AFG1L: variants seen among roughly 807,000 people sequenced by gnomAD.
AFG1L encodes the protein AFG1 like ATPase, also known as AFG1-like ATPase.
AFG1L carries 53 observed loss-of-function variants against 62.2 expected under a neutral mutation model. That is an observed-to-expected ratio of 0.85 (90% CI 0.68 to 1.07). The LOEUF is 1.07. AFG1L is among the 50% of genes least tolerant of loss of function. The pLI is 0.00. For missense variants in AFG1L, 555 were observed against 590.5 expected (o/e 0.94, Z 0.62); for synonymous variants, 228 against 210.3 (o/e 1.08, Z -0.73).
At chr6:108,501,308 A>G (rs1774191253) in intron 10 of AFG1L, among the ~76,000 whole-genome samples, 1 of 152,148 alleles carries the variant, frequency 6.6e-6, no homozygotes, top group African/African-American at 2.4e-5. Flanking sequence ...GAAATTTTTG[A>G]TAGTTACCAT....
At chr6:108,458,343 T>A (rs1772328419) in intron 8 of AFG1L, among the ~76,000 whole-genome samples, 1 of 152,192 alleles carries the variant, frequency 6.6e-6, no homozygotes, top group South Asian at 2.1e-4. Flanking sequence ...TCATTCTTTT[T>A]TTCTTCCTGT....
At chr6:108,360,200 G>T (rs1011281963) in intron 5 of AFG1L, among the ~76,000 whole-genome samples, 1 of 152,162 alleles carries the variant, frequency 6.6e-6, no homozygotes, top group Non-Finnish European at 1.5e-5. Flanking sequence ...CATTTTCCTT[G>T]CTCAAACCCT....
chr6:108,514,946 A>G (rs1199051406), intron 11 of AFG1L, among the ~76,000 whole-genome samples: 7 of 152,242 alleles, frequency 4.6e-5, no homozygotes, highest in Admixed American at 2.0e-4. Context: ...AAGAAGAGCT[A>G]ACTCTTCTAA....
At chr6:108,489,716 C>T (rs1242152026) in intron 10 of AFG1L, among the ~76,000 whole-genome samples, 1 of 152,162 alleles carries the variant, frequency 6.6e-6, no homozygotes, top group Non-Finnish European at 1.5e-5. Context: ...CCTAGGGCTC[C>T]AACGGTTTCA....
chr6:108,328,487 C>T (rs557841065), intron 2 of AFG1L, among the ~76,000 whole-genome samples: 12 of 152,250 alleles, frequency 7.9e-5, no homozygotes, highest in African/African-American at 2.2e-4. Context: ...CTCGACCTCC[C>T]GGGCTCCAGC....
intron 10 of AFG1L, among the ~76,000 whole-genome samples, chr6:108,509,569 C>A (rs749969776): frequency 1.9e-4 from 29 of 152,106 alleles, no homozygotes; most frequent in Non-Finnish European, 3.7e-4. Flanking sequence ...AAAGTGATGT[C>A]ATAGAAATAA....
intron 5 of AFG1L, among the ~76,000 whole-genome samples, chr6:108,357,217 T>C (rs907798753): frequency 3.3e-5 from 5 of 151,992 alleles, no homozygotes; most frequent in African/African-American, 1.2e-4. Context: ...TAGCTGGAAC[T>C]ATAGGCTCAT....
intron 2 of AFG1L, chr6:108,344,811 T>C (rs1253114081): frequency 2.1e-6 from 1 of 470,622 alleles, no homozygotes; most frequent in African/African-American, 2.0e-5. Flanking sequence ...AGGTTACTCG[T>C]CTAAGTGTAA....
At chr6:108,490,316 C>T (rs1366074917) in intron 10 of AFG1L, among the ~76,000 whole-genome samples, 6 of 152,156 alleles carry the variant, frequency 3.9e-5, no homozygotes, top group Non-Finnish European at 8.8e-5. Context: ...GCCGAAATCA[C>T]GCCAGTACAC....
chr6:108,380,142 C>T (rs541550895), intron 6 of AFG1L, among the ~76,000 whole-genome samples: 2 of 151,852 alleles, frequency 1.3e-5, no homozygotes, highest in African/African-American at 2.4e-5. Context: ...CAGAGAGGGT[C>T]CCCCTGCACC....
chr6:108,359,001 C>CT (rs1779413211), intron 5 of AFG1L: 1 of 152,228 alleles, frequency 6.6e-6, no homozygotes, highest in African/African-American at 2.4e-5. Context: ...GCTCATGATA[C>CT]TTTTAGGGAT....
chr6:108,433,466 G>A (rs1052096562), intron 7 of AFG1L, among the ~76,000 whole-genome samples: 50 of 151,412 alleles, frequency 3.3e-4, no homozygotes, highest in African/African-American at 1.2e-3. Flanking sequence ...TTTTTTTTTG[G>A]TAGAGACGGG....
At chr6:108,437,926 C>T (rs186356281) in intron 7 of AFG1L, among the ~76,000 whole-genome samples, 1 of 152,232 alleles carries the variant, frequency 6.6e-6, no homozygotes, top group Admixed American at 6.5e-5. Flanking sequence ...AGCTCAGCCA[C>T]CTACAAACTA....
intron 6 of AFG1L, among the ~76,000 whole-genome samples, chr6:108,397,734 C>T (rs964314467): frequency 3.3e-5 from 5 of 152,198 alleles, no homozygotes; most frequent in African/African-American, 1.2e-4. Flanking sequence ...GTGCCTGGCT[C>T]ATTTCACTTA....
At chr6:108,307,128 C>T (rs950246873) in intron 1 of AFG1L, among the ~76,000 whole-genome samples, 7 of 151,942 alleles carry the variant, frequency 4.6e-5, no homozygotes, top group Admixed American at 2.0e-4. Flanking sequence ...ATTCTCCTGC[C>T]TCAGTCTCCT....
At chr6:108,323,717 A>G in intron 1 of AFG1L, 108 bp from the exon 2 acceptor site, 1 of 701,776 alleles carries the variant, frequency 1.4e-6, no homozygotes, top group Non-Finnish European at 2.4e-6. Context: ...CTGCTCCAAT[A>G]GATATACTTG....
In AFG1L at chr6:108,321,774, C is replaced by A. The variant is rs115342960; in HGVS notation, c.140-2051C>A. On this transcript the variant is annotated intron_variant, in intron 1 of 12. Coordinates refer to ENST00000368977, the MANE Select transcript of AFG1L (RefSeq NM_145315.5). ...TAGTGTTCCAGGATACCCTTAGATT[C>A]TGTTTTACAGGCCTTAAGCAACTAT... 6.7e-3 allele frequency among the ~76,000 whole-genome samples: 1,023 copies of A among 152,288 alleles called. 11 individuals are homozygous for A. The highest frequency in any genetic ancestry group is 0.022 in the African/African-American group (920 of 41,552).
intron 1 of AFG1L, among the ~76,000 whole-genome samples, chr6:108,308,784 G>C (rs1777299200): frequency 6.6e-6 from 1 of 152,030 alleles, no homozygotes; most frequent in East Asian, 1.9e-4. Context: ...GCTCACTGCA[G>C]CCTCTCCACC....
At chr6:108,335,267 G>A (rs578116696) in intron 2 of AFG1L, among the ~76,000 whole-genome samples, 6 of 152,196 alleles carry the variant, frequency 3.9e-5, no homozygotes, top group Admixed American at 3.3e-4. Context: ...CACTGCCCCG[G>A]CTGGTTTTTC....
Sources: allele counts gnomAD v4.1 joint callset (sites outside exome capture counted in the v4.1 genomes callset), GRCh38; gene constraint gnomAD v4.1.1; transcripts MANE v1.5; gene names NCBI Gene and HGNC (gene_info 2026-07-23, HGNC 2026-07-21).